RAD54L2: variants seen among roughly 807,000 people sequenced by gnomAD.
The protein encoded by RAD54L2 is helicase ARIP4.
Under a neutral mutation model 138.4 loss-of-function variants are expected in RAD54L2, and 27 were observed. The ratio of observed to expected loss-of-function variants is 0.20; its 90% confidence interval spans 0.14 to 0.27. RAD54L2 has a LOEUF of 0.27. RAD54L2 is among the 10% of genes least tolerant of loss of function. The pLI is 1.00. For missense variants in RAD54L2, 1,396 were observed against 1,890.2 expected (o/e 0.74, Z 4.85); for synonymous variants, 644 against 723.2 (o/e 0.89, Z 1.76).
At chr3:51,606,531 CTT>C (rs1700184108) in intron 3 of RAD54L2, among the ~76,000 whole-genome samples, 2 of 152,130 alleles carry the variant, frequency 1.3e-5, no homozygotes, top group Non-Finnish European at 1.5e-5. Context: ...AGCTTAGAGA[CTT>C]TGTACTGTGT....
chr3:51,638,273 C>T lies in RAD54L2; in HGVS notation c.1812C>T (p.Ser604=), dbSNP rs374558473. 67 of 1,613,850 alleles carry T rather than the reference C, an allele frequency of 4.2e-5. No individual in the cohort carries two copies. Among genetic ancestry groups the T allele is most frequent in the Middle Eastern group, 1.6e-4 (1 of 6,078 alleles). Residue 604 remains serine, a synonymous_variant, in exon 12 of 23, where the codon AGC becomes AGT. Transcript: ENST00000684192. This position sits in a 1 kb window ranked among gnomAD's most constrained non-coding sequence, Gnocchi z 4.3. ...FMDRFRDCGS[S]GWLGLNPLKA... The stretch of plus-strand genomic sequence containing the variant: ...ATCGCTTCCGGGACTGTGGTAGCAG[C>T]GGTTGGCTGGGGCTGAACCCCCTTA...
At chr3:51,630,500 A>G (rs1172182294) in intron 6 of RAD54L2, 112 bp downstream of exon 6, 1 of 1,097,078 alleles carries the variant, frequency 9.1e-7, no homozygotes, top group Non-Finnish European at 1.3e-6. Context: ...TGTGGCTTTG[A>G]CTAATTTCCC....
At chr3:51,619,404 G>A (rs990918957) in intron 3 of RAD54L2, among the ~76,000 whole-genome samples, 3 of 152,120 alleles carry the variant, frequency 2.0e-5, no homozygotes, top group Admixed American at 1.3e-4. Flanking sequence ...AGGTCTCATA[G>A]GCCTGCTCTG....
intron 3 of RAD54L2, among the ~76,000 whole-genome samples, chr3:51,594,830 G>C (rs1382942173): frequency 1.6e-5 from 1 of 62,160 alleles, no homozygotes; most frequent in Admixed American, 1.8e-4. Context: ...TTTAGAATTT[G>C]TTTTATAGGC....
intron 14 of RAD54L2, 77 bp from the exon 15 acceptor site, chr3:51,641,672 C>A: frequency 1.0e-6 from 1 of 955,608 alleles, no homozygotes; most frequent in Non-Finnish European, 1.6e-6. Context: ...CAGAAAGTTG[C>A]ACAAGAGTAT....
rs748125530 is a variant in RAD54L2, at chr3:51,633,769, T to C, written c.1008+10T>C. ...CCTTGCCATTGTGCCGGTAAGAGTT[T>C]TTGGGAAGGCACCACTTAAGTCACT... On this transcript the variant is annotated intron_variant, in intron 8 of 22. Coordinates refer to ENST00000684192, the MANE Select transcript of RAD54L2 (RefSeq NM_015106.4). 3.8e-5 allele frequency: 61 copies of C among 1,613,450 alleles called. No homozygotes were observed. Among genetic ancestry groups the C allele is most frequent in the Non-Finnish European group, 5.1e-5 (60 of 1,179,704 alleles).
chr3:51,568,091 A>G (rs1699257004), intron 2 of RAD54L2, among the ~76,000 whole-genome samples: 1 of 152,058 alleles, frequency 6.6e-6, no homozygotes, highest in Admixed American at 6.6e-5. Flanking sequence ...AGATTCTAGA[A>G]ATGGAAGTGG....
chr3:51,597,502 A>T (rs1211818425), intron 3 of RAD54L2, among the ~76,000 whole-genome samples: 1 of 152,130 alleles, frequency 6.6e-6, no homozygotes, highest in Admixed American at 6.6e-5. Flanking sequence ...ATGACATAGA[A>T]ATCAAAATTC....
intron 2 of RAD54L2, among the ~76,000 whole-genome samples, chr3:51,554,851 C>CTT: frequency 6.6e-6 from 1 of 151,096 alleles, no homozygotes; most frequent in East Asian, 1.9e-4. Flanking sequence ...CTTTTCTTTT[C>CTT]TTTTTTTTTG....
chr3:51,653,423 A>G (rs1225853030), intron 19 of RAD54L2, among the ~76,000 whole-genome samples: 3 of 152,242 alleles, frequency 2.0e-5, no homozygotes, highest in Non-Finnish European at 2.9e-5. Flanking sequence ...CAGCCATCCC[A>G]TTACTGGGTA....
chr3:51,574,503 A>G (rs1699418325), intron 2 of RAD54L2, among the ~76,000 whole-genome samples: 1 of 152,052 alleles, frequency 6.6e-6, no homozygotes, highest in African/African-American at 2.4e-5. Context: ...CCTCTCCAGC[A>G]CCTGTTGTTT....
chr3:51,646,146 AC>A, intron 18 of RAD54L2, 138 bp from the exon 19 acceptor site: 1 of 739,442 alleles, frequency 1.4e-6, no homozygotes, highest in Non-Finnish European at 2.2e-6. Context: ...TGACAGAAAG[AC>A]AGTAAACCTG....
intron 2 of RAD54L2, among the ~76,000 whole-genome samples, chr3:51,587,461 G>A (rs141681626): frequency 6.6e-6 from 1 of 152,212 alleles, no homozygotes; most frequent in East Asian, 1.9e-4. Flanking sequence ...TGGTAGCTCA[G>A]CATTAACTAT....
intron 2 of RAD54L2, among the ~76,000 whole-genome samples, chr3:51,563,350 CCTT>C (rs1428966749): frequency 1.3e-5 from 2 of 152,220 alleles, no homozygotes; most frequent in Non-Finnish European, 2.9e-5. Context: ...TCTTCTTCCT[CCTT>C]TTTAAACTTC....
At chr3:51,607,834 G>T (rs1428114341) in intron 3 of RAD54L2, among the ~76,000 whole-genome samples, 1 of 150,776 alleles carries the variant, frequency 6.6e-6, no homozygotes, top group African/African-American at 2.4e-5. Flanking sequence ...CAGACGGGGC[G>T]GCTGGGCAGA....
At chr3:51,599,810 A>G (rs898457314) in intron 3 of RAD54L2, among the ~76,000 whole-genome samples, 4 of 151,496 alleles carry the variant, frequency 2.6e-5, no homozygotes, top group African/African-American at 9.7e-5. Context: ...TAGAAATGGG[A>G]TTTCACAATG....
intron 3 of RAD54L2, among the ~76,000 whole-genome samples, chr3:51,595,037 TG>T (rs1699931599): frequency 6.6e-6 from 1 of 152,002 alleles, no homozygotes; most frequent in African/African-American, 2.4e-5. Flanking sequence ...GCTGATTTTT[TG>T]TATTTTCAGT....
At chr3:51,654,482 A>T (rs2106843072) in intron 19 of RAD54L2, among the ~76,000 whole-genome samples, 1 of 152,294 alleles carries the variant, frequency 6.6e-6, no homozygotes, top group Admixed American at 6.5e-5. Flanking sequence ...GAGTCCAGGA[A>T]TTGGAGACCA....
Position 51,663,594 on chromosome 3 carries a change from C to CAAA in RAD54L2, c.*196_*198dup, listed in dbSNP as rs34235841. The CAAA allele has an allele frequency of 5.5e-5, 3 of 54,830 alleles. No individual in the cohort carries two copies. The highest frequency in any genetic ancestry group is 4.5e-4 in the East Asian group (1 of 2,218). 3.4% of individuals were successfully genotyped at this position (54,830 alleles called of 1,614,324 possible). A position where few individuals can be genotyped will look rare whatever the true frequency, so the allele number is the denominator to read the frequency against. On this transcript the variant is annotated 3_prime_UTR_variant, in exon 23 of 23. Transcript: ENST00000684192. ...CTCTGTTGCTGTTTAACAAAAGAGGCAAAAAAAAAAAAAAAAAAAAAAAAG... is the reference window on the plus strand; with the variant it reads ...CTCTGTTGCTGTTTAACAAAAGAGGCAAAAAAAAAAAAAAAAAAAAAAAAAAAG...
Sources: allele counts gnomAD v4.1 joint callset (sites outside exome capture counted in the v4.1 genomes callset), GRCh38; gene constraint gnomAD v4.1.1; non-coding constraint Gnocchi (gnomAD v3.1); transcripts MANE v1.5; gene names NCBI Gene and HGNC (gene_info 2026-07-23, HGNC 2026-07-21).